The following PAX7 variants were observed in gnomAD, a reference collection of about 807,000 sequenced individuals.
The protein encoded by PAX7 is paired box protein Pax-7.
Under a neutral mutation model 50.7 loss-of-function variants are expected in PAX7, and 18 were observed. That is an observed-to-expected ratio of 0.36 (90% CI 0.25 to 0.53). The LOEUF (loss-of-function observed/expected upper bound fraction) is 0.53. Ranked by LOEUF, PAX7 falls within the 20% of genes least tolerant of loss-of-function variation. The probability of loss-of-function intolerance (pLI) is 0.93; values close to 1 mark genes in which losing one functional copy is unlikely to be tolerated. For missense variants in PAX7, 644 were observed against 702.9 expected, an observed-to-expected ratio of 0.92 and a Z score of 0.95; for synonymous variants, 310 against 290.4, an observed-to-expected ratio of 1.07 and a Z score of -0.69.
At chr1:18,638,337 T>G (rs2088195559) in intron 4 of PAX7, among the ~76,000 whole-genome samples, 1 of 152,220 alleles carries the variant, frequency 6.6e-6, no homozygotes, top group South Asian at 2.1e-4. Flanking sequence ...TGCTGGCCTG[T>G]GCTCACCACA....
chr1:18,660,971 T>C (rs1349450048), intron 4 of PAX7, among the ~76,000 whole-genome samples: 1 of 151,704 alleles, frequency 6.6e-6, no homozygotes, highest in African/African-American at 2.4e-5. Flanking sequence ...TGAAGTGAAA[T>C]AGTGAGTGTA....
intron 4 of PAX7, among the ~76,000 whole-genome samples, chr1:18,653,211 T>C (rs1478083801): frequency 6.6e-6 from 1 of 152,164 alleles, no homozygotes; most frequent in Non-Finnish European, 1.5e-5. Context: ...TTTCTTTTTT[T>C]TTTACACGAA....
intron 8 of PAX7, 125 bp from the exon 9 acceptor site, chr1:18,744,673 GATGGATGGATGGATAA>G (rs1392285622): frequency 2.2e-5 from 13 of 603,896 alleles, no homozygotes; most frequent in East Asian, 2.9e-5. Flanking sequence ...TGGATGGATG[GATGGATGGATGGATAA>G]ATGGATGGAT....
intron 4 of PAX7, among the ~76,000 whole-genome samples, chr1:18,644,861 T>A (rs1221235066): frequency 2.6e-5 from 4 of 152,186 alleles, no homozygotes; most frequent in African/African-American, 9.7e-5. Context: ...AGAGAAATTT[T>A]CCTCTGGAGT....
At chr1:18,656,423 T>C (rs944575478) in intron 4 of PAX7, among the ~76,000 whole-genome samples, 1 of 151,990 alleles carries the variant, frequency 6.6e-6, no homozygotes, top group Non-Finnish European at 1.5e-5. Context: ...CACTCGAACC[T>C]GGGAGGGCAG....
intron 7 of PAX7, among the ~76,000 whole-genome samples, chr1:18,722,218 G>C (rs972380610): frequency 6.6e-6 from 1 of 152,190 alleles, no homozygotes; most frequent in African/African-American, 2.4e-5. Flanking sequence ...GTCGTAATCA[G>C]AGCGGGGGGC....
intron 4 of PAX7, among the ~76,000 whole-genome samples, chr1:18,671,832 C>T (rs894960878): frequency 5.9e-5 from 9 of 151,638 alleles, no homozygotes; most frequent in African/African-American, 2.2e-4. Context: ...AAAAAATGAG[C>T]CAGGCATGGT....
rs1214237701 is a variant in PAX7 at position 18,748,691 on chromosome 1, C to CGTGGGGGT, written c.*3767_*3768insGGTGTGGG. Reference sequence around the variant, plus strand: ...CGTGAGGGTGTGAGTGGGGTGTGTGCGTGGGCGTGTGGGCGTGAGGTGTGT... The same window carrying CGTGGGGGT: ...CGTGAGGGTGTGAGTGGGGTGTGTGCGTGGGGGTGTGGGCGTGTGGGCGTGAGGTGTGT... On this transcript the variant is annotated 3_prime_UTR_variant, in exon 9 of 9. Coordinates refer to ENST00000420770, the MANE Select transcript of PAX7 (RefSeq NM_001135254.2). 1 of 231,648 alleles carries CGTGGGGGT rather than the reference C, an allele frequency of 4.3e-6. No individual in the cohort carries two copies. The highest frequency in any genetic ancestry group is 8.5e-6 in the Non-Finnish European group (1 of 117,180). 14.3% of individuals were successfully genotyped at this position (231,648 alleles called of 1,614,324 possible). A position where few individuals can be genotyped will look rare whatever the true frequency, so the allele number is the denominator to read the frequency against.
Position 18,703,381 on chromosome 1 carries a change from C to T in PAX7, c.1155+85C>T. 5.6e-6 allele frequency: 7 copies of T among 1,246,444 alleles called. No homozygotes were observed. In the South Asian group the frequency reaches 8.5e-5, roughly 15 times the overall value. The allele number at this position is 1,246,444 out of a possible 1,614,324, so 77.2% of individuals were successfully genotyped here. On this transcript the variant is annotated intron_variant, in intron 7 of 8. Transcript: ENST00000420770. The stretch of plus-strand genomic sequence containing the variant: ...ACAGCACGTGGGTGGAAGCCTTGCG[C>T]TCTTTCCTGTAGCAGGCTGACTGCG...
At chr1:18,666,101 G>C (rs1042549434) in intron 4 of PAX7, among the ~76,000 whole-genome samples, 15 of 152,202 alleles carry the variant, frequency 9.9e-5, no homozygotes, top group African/African-American at 3.6e-4. Context: ...TTGGGCCCAG[G>C]AGTTTGAAAC....
chr1:18,636,154 G>T lies in PAX7; in HGVS notation c.452-83G>T. ...TCTGTAAGGAAGCAGGGGGCTTCCT[G>T]ACTTTCTCCCAGGGGCCCAGGCCAC... On this transcript the variant is annotated intron_variant, in intron 3 of 8. Transcript: ENST00000420770. This position sits in a 1 kb window ranked among gnomAD's most constrained non-coding sequence, Gnocchi z 5.1. 6.8e-7 allele frequency: 1 copy of T among 1,468,736 alleles called. No individual in the cohort carries two copies. The highest frequency in any genetic ancestry group is 9.3e-7 in the Non-Finnish European group (1 of 1,071,456). The allele number at this position is 1,468,736 out of a possible 1,614,324, so 91.0% of individuals were successfully genotyped here.
intron 4 of PAX7, among the ~76,000 whole-genome samples, chr1:18,665,112 G>A (rs946963710): frequency 6.6e-6 from 1 of 152,162 alleles, no homozygotes; most frequent in Non-Finnish European, 1.5e-5. Context: ...TGTGATGTGT[G>A]CACACAGCTT....
At chr1:18,730,285 G>A (rs1304585598) in intron 7 of PAX7, among the ~76,000 whole-genome samples, 1 of 152,172 alleles carries the variant, frequency 6.6e-6, no homozygotes, top group African/African-American at 2.4e-5. Flanking sequence ...AGATATTCTG[G>A]CCCCTATGCT....
At chr1:18,721,862 A>G (rs12044947) in intron 7 of PAX7, among the ~76,000 whole-genome samples, 37,837 of 143,116 alleles carry the variant, frequency 0.26, 5,252 homozygotes, top group East Asian at 0.65. Context: ...ATAACTAGGG[A>G]CATTGCATGG....
chr1:18,655,902 ACTTC>A (rs1364722572), intron 4 of PAX7, among the ~76,000 whole-genome samples: 2 of 151,444 alleles, frequency 1.3e-5, no homozygotes, highest in Non-Finnish European at 1.5e-5. Flanking sequence ...TTGTTCATCT[ACTTC>A]CTTCCTTCCT....
At chr1:18,723,387 C>T (rs367843291) in intron 7 of PAX7, among the ~76,000 whole-genome samples, 47 of 152,180 alleles carry the variant, frequency 3.1e-4, no homozygotes, top group African/African-American at 8.2e-4. Context: ...CAGGAAGTTG[C>T]GCCATGTTTA....
chr1:18,742,720 T>C (rs1931216558), intron 8 of PAX7, among the ~76,000 whole-genome samples: 1 of 152,198 alleles, frequency 6.6e-6, no homozygotes, highest in Admixed American at 6.5e-5. Context: ...CTAGGCAGAC[T>C]TAACTTTCCT....
chr1:18,680,146 G>A (rs2088876277), intron 4 of PAX7, among the ~76,000 whole-genome samples: 1 of 152,166 alleles, frequency 6.6e-6, no homozygotes, highest in Non-Finnish European at 1.5e-5. Flanking sequence ...GGCTGGGACA[G>A]TTGTATCAAG....
chr1:18,669,358 G>A (rs893243580), intron 4 of PAX7, among the ~76,000 whole-genome samples: 3 of 152,136 alleles, frequency 2.0e-5, no homozygotes, highest in African/African-American at 7.2e-5. Context: ...AGTGGCCTTA[G>A]GATTTAGCAA....
Sources: allele counts gnomAD v4.1 joint callset (sites outside exome capture counted in the v4.1 genomes callset), GRCh38; gene constraint gnomAD v4.1.1; non-coding constraint Gnocchi (gnomAD v3.1); transcripts MANE v1.5; gene names NCBI Gene and HGNC (gene_info 2026-07-23, HGNC 2026-07-21).